Variants in DHX15 observed in about 807,000 individuals in gnomAD.
The protein encoded by DHX15 is DEAH-box helicase 15, also known as ATP-dependent RNA helicase DHX15.
In DHX15, 11 loss-of-function variants were observed where a neutral mutation model predicts 94.4. The observed-to-expected ratio is 0.12, with a 90% CI of 0.07 to 0.19. DHX15 has a LOEUF of 0.19. DHX15 is among the 10% of genes least tolerant of loss of function. The pLI, the probability that DHX15 is intolerant of heterozygous loss-of-function variation, is 1.00. For synonymous variants in DHX15, 338 were observed against 329.9 expected (o/e 1.02, Z -0.27); for missense variants, 304 against 988.5 (o/e 0.31, Z 9.29).
intron 6 of DHX15, 60 bp from the exon 7 acceptor site, chr4:24,543,086 T>TA: frequency 8.2e-7 from 1 of 1,219,046 alleles, no homozygotes; most frequent in Non-Finnish European, 1.2e-6. Flanking sequence ...ACAGGACTGT[T>TA]AAAGATCAGC....
Position 24,556,418 on chromosome 4 carries a change from C to A in DHX15, c.702-8G>T, listed in dbSNP as rs1054641294. ...ATCCCATCAGTCATATACCTATATT[C>A]CAAAGAACATGTTGGTTAAAGGTTC... is the stretch of plus-strand genomic sequence containing the variant. On this transcript the variant is annotated splice_region_variant and splice_polypyrimidine_tract_variant and intron_variant, in intron 3 of 13. Coordinates refer to ENST00000336812, the MANE Select transcript of DHX15 (RefSeq NM_001358.3). 1.3e-6 allele frequency: 2 copies of A among 1,598,500 alleles called. No individual in the cohort carries two copies. The highest frequency in any genetic ancestry group is 2.7e-5 in the African/African-American group (2 of 74,562).
chr4:24,541,816 A>G, intron 8 of DHX15, 57 bp downstream of exon 8: 9 of 1,455,560 alleles, frequency 6.2e-6, no homozygotes, highest in Non-Finnish European at 8.3e-6. Flanking sequence ...TTCTTCTGGT[A>G]AGATAATTCA....
chr4:24,540,784 C>T lies in DHX15; in HGVS notation c.1594+56G>A, dbSNP rs1053032855. 662 of 991,186 alleles carry T rather than the reference C, an allele frequency of 6.7e-4. 4 individuals carry two copies. Among genetic ancestry groups the T allele is most frequent in the Non-Finnish European group, 1.3e-4 (82 of 648,594 alleles). The allele number at this position is 991,186 out of a possible 1,614,324, so 61.4% of individuals were successfully genotyped here. A position where few individuals can be genotyped will look rare whatever the true frequency, so the allele number is the denominator to read the frequency against. On this transcript the variant is annotated intron_variant, in intron 9 of 13. Transcript: ENST00000336812. ...ATATTAAATAGGATGGAGAAAAACA[C>T]TAAGAGTCAATTTTGGTTAAAAGAT... is the stretch of plus-strand genomic sequence containing the variant.
At chr4:24,573,580 G>A (rs535160413) in intron 2 of DHX15, among the ~76,000 whole-genome samples, 1 of 151,184 alleles carries the variant, frequency 6.6e-6, no homozygotes, top group Admixed American at 6.6e-5. Context: ...GCTCTTACAT[G>A]GTGTATCATC....
chr4:24,577,997 T>A (rs1255654872), intron 1 of DHX15, among the ~76,000 whole-genome samples: 1 of 152,100 alleles, frequency 6.6e-6, no homozygotes, highest in African/African-American at 2.4e-5. Context: ...TGCAGTTGTG[T>A]GACATGTACA....
chr4:24,556,226 A>C (rs1473273256), intron 4 of DHX15, 25 bp downstream of exon 4: 1 of 1,607,886 alleles, frequency 6.2e-7, no homozygotes. Flanking sequence ...ATATATAGTT[A>C]AATGGAGAGA....
At chr4:24,572,108 A>G (rs1722134186) in intron 2 of DHX15, among the ~76,000 whole-genome samples, 1 of 152,186 alleles carries the variant, frequency 6.6e-6, no homozygotes, top group South Asian at 2.1e-4. Flanking sequence ...AATTAATTCA[A>G]AATTCTCAAG....
At chr4:24,572,476 C>A (rs1054020915) in intron 2 of DHX15, among the ~76,000 whole-genome samples, 2 of 152,160 alleles carry the variant, frequency 1.3e-5, no homozygotes, top group Non-Finnish European at 2.9e-5. Flanking sequence ...CTAAAATCAA[C>A]AGCTTACCTC....
At chr4:24,570,970 A>G in intron 2 of DHX15, 123 bp from the exon 3 acceptor site, 1 of 988,594 alleles carries the variant, frequency 1.0e-6, no homozygotes, top group South Asian at 1.7e-5. Context: ...AATGACTATA[A>G]GACTTGTGAT....
intron 1 of DHX15, 105 bp downstream of exon 1, chr4:24,584,218 A>C: frequency 8.4e-7 from 1 of 1,193,782 alleles, no homozygotes; most frequent in East Asian, 2.7e-5. Flanking sequence ...AGAGAAACAA[A>C]GGCTCGGGCT....
chr4:24,568,769 T>A (rs1722052045), intron 3 of DHX15, among the ~76,000 whole-genome samples: 1 of 152,192 alleles, frequency 6.6e-6, no homozygotes, highest in South Asian at 2.1e-4. Flanking sequence ...CCCCTTATTA[T>A]CCTCAAGTCC....
rs572953374 is a variant in DHX15 at position 24,555,520 on chromosome 4, T to C, written c.862-577A>G. On this transcript the variant is annotated intron_variant, in intron 4 of 13. Coordinates refer to ENST00000336812, the MANE Select transcript of DHX15 (RefSeq NM_001358.3). ...AAAACATGCTCAGGCCTCAGTTTTT[T>C]TTCTAAAGACCCAGAATCTTTCTTG... 2.6e-5 allele frequency among the ~76,000 whole-genome samples: 4 copies of C among 152,308 alleles called. No homozygotes were observed. In the East Asian group the frequency reaches 7.7e-4, roughly 29 times the overall value.
At chr4:24,538,165 C>T (rs1350035596) in intron 10 of DHX15, 1 of 152,248 alleles carries the variant, frequency 6.6e-6, no homozygotes, top group Non-Finnish European at 1.5e-5. Context: ...TACTTAACAG[C>T]TTGGGACTTT....
At chr4:24,569,591 CAA>C (rs60075617) in intron 3 of DHX15, among the ~76,000 whole-genome samples, 13 of 68,666 alleles carry the variant, frequency 1.9e-4, no homozygotes, top group African/African-American at 3.1e-4. Context: ...GACTCCATCT[CAA>C]AAAAAAAAAA....
At chr4:24,577,317 C>G (rs747138237) in intron 1 of DHX15, among the ~76,000 whole-genome samples, 1 of 152,118 alleles carries the variant, frequency 6.6e-6, no homozygotes, top group South Asian at 2.1e-4. Flanking sequence ...AATACAAATA[C>G]GAATTACAGG....
At chr4:24,531,168 A>G (rs1402812808) in intron 12 of DHX15, among the ~76,000 whole-genome samples, 1 of 151,158 alleles carries the variant, frequency 6.6e-6, no homozygotes, top group Non-Finnish European at 1.5e-5. Context: ...GGCTCACTGC[A>G]AGCTCTGCCT....
At chr4:24,543,543 C>G (rs1721361497) in intron 6 of DHX15, among the ~76,000 whole-genome samples, 1 of 152,048 alleles carries the variant, frequency 6.6e-6, no homozygotes, top group South Asian at 2.1e-4. Context: ...GACAGATCAG[C>G]AGAATCAAAT....
intron 1 of DHX15, among the ~76,000 whole-genome samples, chr4:24,577,358 T>G (rs777853790): frequency 1.3e-5 from 2 of 152,234 alleles, no homozygotes; most frequent in Admixed American, 1.3e-4. Context: ...AGTTATACTT[T>G]CCAGCACTTT....
chr4:24,529,881 G>A lies in DHX15; in HGVS notation c.2101-111C>T, dbSNP rs1040318438. The A allele has an allele frequency of 3.7e-6, 4 of 1,093,704 alleles. No individual in the cohort carries two copies. The African/African-American group carries it at 4.8e-5, about 13-fold the overall frequency. 67.7% of individuals were successfully genotyped at this position (1,093,704 alleles called of 1,614,324 possible). A position where few individuals can be genotyped will look rare whatever the true frequency, so the allele number is the denominator to read the frequency against. ...CCTCCCTTTTACTTTTCATTCTATGGCTATACTTATTTATCACTGTCTGAT... is the reference window on the plus strand; with the variant it reads ...CCTCCCTTTTACTTTTCATTCTATGACTATACTTATTTATCACTGTCTGAT... On this transcript the variant is annotated intron_variant, in intron 12 of 13. Transcript: ENST00000336812.
Sources: allele counts gnomAD v4.1 joint callset (sites outside exome capture counted in the v4.1 genomes callset), GRCh38; gene constraint gnomAD v4.1.1; transcripts MANE v1.5; gene names NCBI Gene and HGNC (gene_info 2026-07-23, HGNC 2026-07-21).